Variants in LY86 observed in about 807,000 individuals in gnomAD.
LY86 encodes the protein lymphocyte antigen 86.
LY86 carries 20 observed loss-of-function variants against 17.3 expected under a neutral mutation model. The ratio of observed to expected loss-of-function variants is 1.15; its 90% confidence interval spans 0.81 to 1.68. LY86 has a LOEUF of 1.68. Among genes scored for constraint, LY86 ranks in the 40% most tolerant of loss-of-function variants. The pLI is 0.00. For missense variants in LY86, 200 were observed against 191.9 expected, an observed-to-expected ratio of 1.04 and a Z score of -0.25; for synonymous variants, 74 against 70.6, an observed-to-expected ratio of 1.05 and a Z score of -0.24.
At chr6:6,593,593 G>A (rs542090041) in intron 1 of LY86, among the ~76,000 whole-genome samples, 48 of 152,348 alleles carry the variant, frequency 3.2e-4, no homozygotes, top group Non-Finnish European at 5.1e-4. Flanking sequence ...TATCTTTGCT[G>A]CTGATGATTT....
chr6:6,602,234 A>T (rs985670665), intron 1 of LY86, among the ~76,000 whole-genome samples: 1 of 152,218 alleles, frequency 6.6e-6, no homozygotes, highest in Non-Finnish European at 1.5e-5. Flanking sequence ...TATTCTCATC[A>T]GCCCAACAAT....
At chr6:6,616,314 C>T (rs1471786213) in intron 1 of LY86, among the ~76,000 whole-genome samples, 2 of 152,180 alleles carry the variant, frequency 1.3e-5, no homozygotes, top group Non-Finnish European at 2.9e-5. Flanking sequence ...CTCGTTTCGC[C>T]TCCATCTAAA....
intron 4 of LY86, among the ~76,000 whole-genome samples, chr6:6,650,059 G>C (rs1183014098): frequency 1.4e-4 from 21 of 152,134 alleles, no homozygotes; most frequent in Admixed American, 1.2e-3. Flanking sequence ...TGCATGTGCT[G>C]GGACCGAGCT....
intron 1 of LY86, among the ~76,000 whole-genome samples, chr6:6,605,561 G>T (rs1055179047): frequency 6.6e-6 from 1 of 152,254 alleles, no homozygotes; most frequent in African/African-American, 2.4e-5. Flanking sequence ...TGCTTCCCAC[G>T]GAGTGGGAGA....
chr6:6,606,009 G>C (rs534274045), intron 1 of LY86, among the ~76,000 whole-genome samples: 18 of 152,154 alleles, frequency 1.2e-4, no homozygotes, highest in South Asian at 2.1e-4. Flanking sequence ...AAAAGCAAAA[G>C]AACAAAACTT....
In LY86 at chr6:6,588,732, A is replaced by C. The variant is rs927766671; in HGVS notation, c.-3A>C. 97 of 1,613,890 alleles carry C rather than the reference A, an allele frequency of 6.0e-5. No homozygotes were observed. Among genetic ancestry groups the C allele is most frequent in the Admixed American group, 1.0e-4 (6 of 59,998 alleles). Reference sequence around the variant, plus strand: ...TTCTGTGTGTCCCATACAGGCCCCCACCATGAAGGGTTTCACAGCCACTCT... The same window carrying C: ...TTCTGTGTGTCCCATACAGGCCCCCCCCATGAAGGGTTTCACAGCCACTCT... On this transcript the variant is annotated 5_prime_UTR_variant, in exon 1 of 5. Coordinates refer to ENST00000230568, the MANE Select transcript of LY86 (RefSeq NM_004271.4).
At chr6:6,608,347 ATAGC>A (rs1467382502) in intron 1 of LY86, among the ~76,000 whole-genome samples, 7 of 152,264 alleles carry the variant, frequency 4.6e-5, no homozygotes, top group Admixed American at 4.6e-4. Context: ...ATTTCAAGAG[ATAGC>A]TAGCATGCAT....
chr6:6,621,199 A>G (rs1394326446), intron 1 of LY86: 1 of 152,226 alleles, frequency 6.6e-6, no homozygotes, highest in Admixed American at 6.5e-5. Flanking sequence ...AATACAGTGA[A>G]GTATCTGGAG....
At chr6:6,598,413 A>G in intron 1 of LY86, among the ~76,000 whole-genome samples, 1 of 152,150 alleles carries the variant, frequency 6.6e-6, no homozygotes, top group Non-Finnish European at 1.5e-5. Context: ...GATTACAGTA[A>G]TATTTATCTC....
At chr6:6,638,419 G>A (rs1050935351) in intron 3 of LY86, among the ~76,000 whole-genome samples, 5 of 152,140 alleles carry the variant, frequency 3.3e-5, no homozygotes, top group Non-Finnish European at 7.4e-5. Context: ...AGCCAGTGCT[G>A]ATCTAGAATT....
At chr6:6,626,265 A>G (rs1370700067) in intron 2 of LY86, 28 bp from the exon 3 acceptor site, 2 of 1,612,086 alleles carry the variant, frequency 1.2e-6, no homozygotes, top group Non-Finnish European at 1.7e-6. Context: ...ACGCAGTAAG[A>G]GTAAAGCTGT....
At chr6:6,612,525 A>C (rs1260099438) in intron 1 of LY86, among the ~76,000 whole-genome samples, 10 of 152,184 alleles carry the variant, frequency 6.6e-5, no homozygotes, top group Admixed American at 2.6e-4. Context: ...GCAAAAGAAC[A>C]AACCAACCAC....
At chr6:6,599,918 G>C (rs917594921) in intron 1 of LY86, among the ~76,000 whole-genome samples, 6 of 152,270 alleles carry the variant, frequency 3.9e-5, no homozygotes, top group African/African-American at 1.4e-4. Context: ...CCCAATGTCA[G>C]GTGAAAGATG....
chr6:6,652,447 C>A (rs147623571), intron 4 of LY86, among the ~76,000 whole-genome samples: 6 of 152,312 alleles, frequency 3.9e-5, no homozygotes, highest in African/African-American at 1.2e-4. Context: ...AACGCTCCCA[C>A]TCAGCGATCA....
intron 2 of LY86, among the ~76,000 whole-genome samples, chr6:6,625,537 G>T (rs1290199470): frequency 6.6e-6 from 1 of 152,156 alleles, no homozygotes; most frequent in Non-Finnish European, 1.5e-5. Flanking sequence ...ATATGATCAT[G>T]CAATTATAGT....
chr6:6,624,938 A>G lies in LY86; in HGVS notation c.149A>G (p.Asp50Gly). The G allele has an allele frequency of 1.3e-6, 2 of 1,547,488 alleles. No homozygotes were observed. Among genetic ancestry groups the G allele is most frequent in the South Asian group, 1.2e-5 (1 of 86,936 alleles). The change falls in exon 2 of 5, where the codon GAT (aspartate) becomes GGT (glycine). Residue 50 changes from aspartate to glycine, a missense_variant. Transcript: ENST00000230568. ...TTCTTCTTCGTAGATCCATTACAAG[A>G]TTTTGGCTTTTCTGTTGAAAAGTGT... Reference protein sequence around the residue: ...VLYQSCDPLQDFGFSVEKCSK... With the variant: ...VLYQSCDPLQGFGFSVEKCSK...
chr6:6,612,196 A>G (rs1289380590), intron 1 of LY86, among the ~76,000 whole-genome samples: 1 of 152,220 alleles, frequency 6.6e-6, no homozygotes. Flanking sequence ...TTCAAGAACG[A>G]AGCCACAGAC....
intron 4 of LY86, among the ~76,000 whole-genome samples, chr6:6,652,936 A>G (rs1244866579): frequency 6.6e-6 from 1 of 152,240 alleles, no homozygotes; most frequent in Non-Finnish European, 1.5e-5. Context: ...CTAAATGCAC[A>G]TAGAGATTTT....
intron 3 of LY86, among the ~76,000 whole-genome samples, chr6:6,645,289 A>T (rs1476745052): frequency 6.6e-6 from 1 of 152,172 alleles, no homozygotes; most frequent in Non-Finnish European, 1.5e-5. Flanking sequence ...TGTTTTTCAC[A>T]CCTGGGTAAA....
Sources: gnomAD v4.1 joint callset for allele counts (sites outside exome capture counted in the v4.1 genomes callset) on GRCh38, gnomAD v4.1.1 for gene constraint, MANE v1.5 for transcripts, NCBI Gene and HGNC (gene_info 2026-07-23, HGNC 2026-07-21) for gene names.